CSRNP3: variants seen among roughly 807,000 people sequenced by gnomAD.
The protein encoded by CSRNP3 is cysteine/serine-rich nuclear protein 3.
In CSRNP3, 12 loss-of-function variants were observed where a neutral mutation model predicts 48.0. The observed-to-expected ratio is 0.25, with a 90% CI of 0.16 to 0.41. The LOEUF (loss-of-function observed/expected upper bound fraction) is 0.41, where lower values mean the gene tolerates loss of function less well. Ranked by LOEUF, CSRNP3 falls within the 10% of genes least tolerant of loss-of-function variation. The pLI is 1.00. For missense variants in CSRNP3, 580 were observed against 724.4 expected (o/e 0.80, Z 2.29); for synonymous variants, 263 against 269.7 (o/e 0.98, Z 0.24).
chr2:165,574,181 A>G (rs1685411943), intron 3 of CSRNP3: 1 of 502,756 alleles, frequency 2.0e-6, no homozygotes, highest in Non-Finnish European at 3.6e-6. Context: ...ATTCCGTTTC[A>G]GCTGCTGGAG....
chr2:165,548,667 T>C (rs1015796117), intron 3 of CSRNP3, among the ~76,000 whole-genome samples: 6 of 152,074 alleles, frequency 3.9e-5, no homozygotes, highest in Admixed American at 2.6e-4. Context: ...CTAAATTGTA[T>C]GGAAATCATT....
chr2:165,662,269 A>G (rs1268974923), intron 5 of CSRNP3, among the ~76,000 whole-genome samples: 1 of 151,726 alleles, frequency 6.6e-6, no homozygotes, highest in Non-Finnish European at 1.5e-5. Context: ...TTTTAGATCT[A>G]TCAAAAAATA....
intron 4 of CSRNP3, among the ~76,000 whole-genome samples, chr2:165,599,305 G>GAAAGAAAGA (rs1685866786): frequency 6.8e-6 from 1 of 147,782 alleles, no homozygotes; most frequent in Non-Finnish European, 1.5e-5. Context: ...AAGAAAGAAA[G>GAAAGAAAGA]AAAGAAAGAA....
At chr2:165,653,836 G>T (rs774826173) in intron 4 of CSRNP3, among the ~76,000 whole-genome samples, 1 of 151,772 alleles carries the variant, frequency 6.6e-6, no homozygotes, top group African/African-American at 2.4e-5. Flanking sequence ...GCTGGGCGTG[G>T]TGGCAGATAC....
chr2:165,519,131 T>C (rs1031656350), intron 3 of CSRNP3, among the ~76,000 whole-genome samples: 6 of 152,080 alleles, frequency 3.9e-5, no homozygotes, highest in Non-Finnish European at 5.9e-5. Flanking sequence ...ATTTTTTTAT[T>C]AAATTAGCTC....
At chr2:165,652,615 TC>T (rs1686932695) in intron 4 of CSRNP3, among the ~76,000 whole-genome samples, 2 of 152,060 alleles carry the variant, frequency 1.3e-5, no homozygotes, top group African/African-American at 4.8e-5. Context: ...TAATCTCAGC[TC>T]CCCACAACCT....
intron 3 of CSRNP3, among the ~76,000 whole-genome samples, chr2:165,576,833 A>G (rs1685458659): frequency 1.3e-5 from 2 of 152,024 alleles, no homozygotes; most frequent in African/African-American, 2.4e-5. Flanking sequence ...CTAAAAACAA[A>G]TCTTTAGGGA....
At chr2:165,497,591 G>C (rs1514751) in intron 2 of CSRNP3, among the ~76,000 whole-genome samples, 44,009 of 151,912 alleles carry the variant, frequency 0.29, 6,784 homozygotes, top group East Asian at 0.38. Context: ...ATCGAATGCT[G>C]TCTATATAAC....
At position 165,676,605 on chromosome 2, in the gene CSRNP3, C is replaced by T. The variant is rs1413646573; in HGVS notation, c.702C>T (p.Cys234=). The part of the protein sequence containing the change: ...TCTCSLAGIK[C]QVDRMSFPCG... The stretch of plus-strand genomic sequence containing the variant: ...CCTGCAGCCTGGCTGGCATTAAGTG[C>T]CAGGTAAGGGTTGGGAATTCAGGGC... Residue 234 remains cysteine, a synonymous_variant, in exon 6 of 7, where the codon TGC becomes TGT. Coordinates refer to ENST00000651982, the MANE Select transcript of CSRNP3 (RefSeq NM_001172173.2). The T allele has an allele frequency of 1.9e-6, 3 of 1,611,830 alleles. No individual in the cohort carries two copies. The highest frequency in any genetic ancestry group is 2.5e-6 in the Non-Finnish European group (3 of 1,178,114).
intron 4 of CSRNP3, among the ~76,000 whole-genome samples, chr2:165,647,326 T>C (rs1686830197): frequency 6.6e-6 from 1 of 152,166 alleles, no homozygotes; most frequent in East Asian, 1.9e-4. Context: ...TTGCAGACAT[T>C]GGGATAGGAA....
chr2:165,549,726 A>G (rs1685074316), intron 3 of CSRNP3, among the ~76,000 whole-genome samples: 1 of 152,094 alleles, frequency 6.6e-6, no homozygotes, highest in Non-Finnish European at 1.5e-5. Context: ...TATTTTTTCT[A>G]CCCATTAAAA....
chr2:165,576,648 A>T (rs1685455797), intron 3 of CSRNP3, among the ~76,000 whole-genome samples: 1 of 152,058 alleles, frequency 6.6e-6, no homozygotes, highest in African/African-American at 2.4e-5. Context: ...ATGCAGATTC[A>T]CTCAAAACTT....
chr2:165,503,044 C>T (rs1191612151), intron 2 of CSRNP3, among the ~76,000 whole-genome samples: 1 of 151,826 alleles, frequency 6.6e-6, no homozygotes, highest in East Asian at 1.9e-4. Context: ...TTGGTGAATG[C>T]ATATACAATA....
Position 165,499,701 on chromosome 2 carries a change from A to G in CSRNP3, c.-113+4773A>G, listed in dbSNP as rs1339715458. Among the ~76,000 whole-genome samples, 39 of 152,164 alleles carry G rather than the reference A, an allele frequency of 2.6e-4. 1 individual carries two copies. Among genetic ancestry groups the G allele is most frequent in the Non-Finnish European group, 2.9e-5 (2 of 68,030 alleles). ...GTTAAAAGCATAGTTTTTAAATGTA[A>G]GGAAGAAAGAGCAATCAGAATAAAT... On this transcript the variant is annotated intron_variant, in intron 2 of 6. Transcript: ENST00000651982.
chr2:165,673,537 T>C (rs1687366315), intron 5 of CSRNP3, among the ~76,000 whole-genome samples: 1 of 152,156 alleles, frequency 6.6e-6, no homozygotes. Flanking sequence ...GGCACTTATA[T>C]TTGGAGTAAA....
At chr2:165,640,814 T>C (rs1226656911) in intron 4 of CSRNP3, among the ~76,000 whole-genome samples, 2 of 152,220 alleles carry the variant, frequency 1.3e-5, no homozygotes, top group African/African-American at 4.8e-5. Context: ...CAGGCTTCTG[T>C]GTTACCAGCT....
intron 3 of CSRNP3, among the ~76,000 whole-genome samples, chr2:165,548,532 T>C (rs1332557263): frequency 6.6e-6 from 1 of 152,100 alleles, no homozygotes; most frequent in Non-Finnish European, 1.5e-5. Flanking sequence ...ATATTGACCT[T>C]ATTTATTTAT....
chr2:165,619,290 A>G (rs1385901448), intron 4 of CSRNP3, among the ~76,000 whole-genome samples: 1 of 152,164 alleles, frequency 6.6e-6, no homozygotes. Context: ...TTGACTTGTA[A>G]CATTTAAAAA....
At chr2:165,633,132 AG>A (rs977002276) in intron 4 of CSRNP3, among the ~76,000 whole-genome samples, 4 of 152,314 alleles carry the variant, frequency 2.6e-5, no homozygotes, top group African/African-American at 9.6e-5. Flanking sequence ...CATTCATCTC[AG>A]TTGTTACCTG....
Sources: gnomAD v4.1 joint callset for allele counts (sites outside exome capture counted in the v4.1 genomes callset) on GRCh38, gnomAD v4.1.1 for gene constraint, MANE v1.5 for transcripts, NCBI Gene and HGNC (gene_info 2026-07-23, HGNC 2026-07-21) for gene names.